SV2C: variants seen among roughly 807,000 people sequenced by gnomAD.
SV2C encodes the protein synaptic vesicle glycoprotein 2C.
A neutral mutation model predicts 79.7 loss-of-function variants in SV2C; 49 were observed. The observed-to-expected ratio is 0.61, with a 90% confidence interval of 0.49 to 0.78. The LOEUF is 0.78. SV2C is among the 30% of genes least tolerant of loss of function. The pLI, the probability that SV2C is intolerant of heterozygous loss-of-function variation, is 0.00. For missense variants in SV2C, 833 were observed against 912.9 expected, an observed-to-expected ratio of 0.91 and a Z score of 1.13; for synonymous variants, 334 against 333.2, an observed-to-expected ratio of 1.00 and a Z score of -0.03.
intron 12 of SV2C, chr5:76,311,154 T>C: frequency 6.6e-6 from 1 of 152,434 alleles, no homozygotes; most frequent in Non-Finnish European, 1.5e-5. Context: ...GCAGTGGAAG[T>C]TGAAGGCACC....
chr5:76,237,258 C>T (rs540166983), intron 4 of SV2C, among the ~76,000 whole-genome samples: 2 of 152,280 alleles, frequency 1.3e-5, no homozygotes, highest in Admixed American at 1.3e-4. Flanking sequence ...TGATTACTTT[C>T]TCATACAACT....
chr5:75,908,645 T>A, the SV2C span, among the ~76,000 whole-genome samples: 4 of 152,296 alleles, frequency 2.6e-5, no homozygotes, highest in Non-Finnish European at 1.5e-5. Context: ...GGTTTGTAAA[T>A]TTCAATTGTC....
chr5:76,335,281 T>G (rs545334175), downstream of SV2C, among the ~76,000 whole-genome samples: 1 of 152,304 alleles, frequency 6.6e-6, no homozygotes, highest in South Asian at 2.1e-4. Context: ...TTCTTTGCTG[T>G]AGCAATTTCT....
the SV2C span, among the ~76,000 whole-genome samples, chr5:75,881,378 T>A: frequency 6.6e-6 from 1 of 152,212 alleles, no homozygotes; most frequent in African/African-American, 2.4e-5. Flanking sequence ...CCCTGGCAAG[T>A]AATCCATAGT....
At chr5:76,175,877 C>G (rs564734949) in intron 2 of SV2C, among the ~76,000 whole-genome samples, 1 of 152,262 alleles carries the variant, frequency 6.6e-6, no homozygotes, top group South Asian at 2.1e-4. Flanking sequence ...CCTGTCAGAT[C>G]TGTCTGACAG....
intron 5 of SV2C, 28 bp from the exon 6 acceptor site, chr5:76,285,753 C>A (rs374462437): frequency 1.3e-6 from 2 of 1,595,992 alleles, no homozygotes; most frequent in South Asian, 1.1e-5. Flanking sequence ...TCACTCCTAG[C>A]GCTTCACTGT....
At chr5:75,979,474 G>T in the SV2C span, among the ~76,000 whole-genome samples, 1 of 116,102 alleles carries the variant, frequency 8.6e-6, no homozygotes, top group Non-Finnish European at 2.3e-5. Flanking sequence ...TCACATAATT[G>T]GAAATAAAAC....
chr5:76,146,959 T>A (rs1749455435), intron 2 of SV2C, among the ~76,000 whole-genome samples: 1 of 152,130 alleles, frequency 6.6e-6, no homozygotes, highest in Admixed American at 6.6e-5. Context: ...GGACAAATAT[T>A]GCCTATGAAT....
the SV2C span, among the ~76,000 whole-genome samples, chr5:75,953,084 C>T: frequency 6.6e-6 from 1 of 151,964 alleles, no homozygotes; most frequent in South Asian, 2.1e-4. Flanking sequence ...TAGCATCTGG[C>T]GAGGGCCTCA....
intron 2 of SV2C, among the ~76,000 whole-genome samples, chr5:76,137,052 C>A (rs1316011023): frequency 6.6e-6 from 1 of 152,188 alleles, no homozygotes; most frequent in East Asian, 1.9e-4. Context: ...AAGCCACTTA[C>A]TTGTGTGACC....
chr5:76,283,443 T>C (rs1310633740), intron 4 of SV2C, among the ~76,000 whole-genome samples: 1 of 152,260 alleles, frequency 6.6e-6, no homozygotes, highest in Non-Finnish European at 1.5e-5. Context: ...TTGCATTTGC[T>C]TAACTCAGCC....
rs201283160 is a variant in SV2C, at chr5:76,131,759, C to A, written c.9C>A (p.Asp3Glu). ME[D>E]SYKDRTSLMK... The stretch of plus-strand genomic sequence containing the variant: ...CCATCAGTTGAGATAAGATGGAAGA[C>A]TCTTACAAGGATAGGACTTCACTGA... Residue 3 changes from aspartate (D) to glutamate (E), a missense_variant, in exon 2 of 13, where the codon GAC (aspartate) becomes GAA (glutamate). Transcript: ENST00000502798. The A allele has an allele frequency of 2.4e-5, 38 of 1,603,998 alleles. No individual in the cohort carries two copies. Among genetic ancestry groups the A allele is most frequent in the Non-Finnish European group, 3.1e-5 (36 of 1,174,248 alleles).
chr5:76,353,196 C>T, exon 13 of SV2C: 1 of 413,264 alleles, frequency 2.4e-6, no homozygotes, highest in Non-Finnish European at 5.0e-6. Flanking sequence ...CCTCCTGCCT[C>T]AGCCTCCCAA....
chr5:75,993,070 C>T, the SV2C span, among the ~76,000 whole-genome samples: 2 of 151,948 alleles, frequency 1.3e-5, no homozygotes, highest in Non-Finnish European at 2.9e-5. Flanking sequence ...ATAAACTATA[C>T]AACAAGAAGA....
At chr5:76,290,271 G>A (rs1747513832) in intron 6 of SV2C, among the ~76,000 whole-genome samples, 1 of 152,146 alleles carries the variant, frequency 6.6e-6, no homozygotes, top group Non-Finnish European at 1.5e-5. Context: ...TTTGAAAGGT[G>A]CTGAGGGTCC....
At chr5:76,150,947 C>T (rs961242663) in intron 2 of SV2C, among the ~76,000 whole-genome samples, 2 of 152,126 alleles carry the variant, frequency 1.3e-5, no homozygotes, top group African/African-American at 2.4e-5. Flanking sequence ...GCCCATTCAC[C>T]AGATTCTTAC....
At chr5:75,954,371 T>C in the SV2C span, among the ~76,000 whole-genome samples, 1 of 151,976 alleles carries the variant, frequency 6.6e-6, no homozygotes, top group African/African-American at 2.4e-5. Flanking sequence ...TTGTCATAGA[T>C]AGTTCTTATT....
the SV2C span, among the ~76,000 whole-genome samples, chr5:75,972,166 T>A: frequency 3.9e-5 from 6 of 151,998 alleles, no homozygotes; most frequent in South Asian, 4.1e-4. Flanking sequence ...ACCTTATACA[T>A]AAATTAATTC....
intron 4 of SV2C, among the ~76,000 whole-genome samples, chr5:76,219,842 G>C (rs1745016911): frequency 6.6e-6 from 1 of 152,226 alleles, no homozygotes; most frequent in African/African-American, 2.4e-5. Flanking sequence ...AATTATTGTG[G>C]AATTGAAGTC....
Sources: gnomAD v4.1 joint callset for allele counts (sites outside exome capture counted in the v4.1 genomes callset) on GRCh38, gnomAD v4.1.1 for gene constraint, MANE v1.5 for transcripts, NCBI Gene and HGNC (gene_info 2026-07-23, HGNC 2026-07-21) for gene names.